The following CNTN5 variants were observed in gnomAD, a reference collection of about 807,000 sequenced individuals.
CNTN5 encodes contactin-5.
A neutral mutation model predicts 129.1 loss-of-function variants in CNTN5; 77 were observed. That is an observed-to-expected ratio of 0.60 (90% CI 0.50 to 0.72). CNTN5 has a LOEUF of 0.72. Ranked by LOEUF, CNTN5 falls within the 30% of genes least tolerant of loss-of-function variation. The pLI is 0.00. For missense variants in CNTN5, 1,478 were observed against 1,328.8 expected (o/e 1.11, Z -1.75); for synonymous variants, 509 against 465.6 (o/e 1.09, Z -1.20).
At chr11:99,292,797 C>T (rs950486736) in intron 1 of CNTN5, among the ~76,000 whole-genome samples, 4 of 152,106 alleles carry the variant, frequency 2.6e-5, no homozygotes, top group African/African-American at 9.7e-5. Context: ...GGAGATGAGG[C>T]CAAGCCTTGG....
intron 3 of CNTN5, among the ~76,000 whole-genome samples, chr11:99,809,406 T>C (rs926086152): frequency 1.1e-4 from 17 of 152,202 alleles, no homozygotes; most frequent in African/African-American, 4.1e-4. Flanking sequence ...ATTATACTTT[T>C]TAAAAATTTC....
At chr11:100,039,164 G>T (rs574625142) in intron 9 of CNTN5, among the ~76,000 whole-genome samples, 2 of 152,224 alleles carry the variant, frequency 1.3e-5, no homozygotes, top group African/African-American at 4.8e-5. Context: ...GGCAGGCCTG[G>T]TAGTGACAAA....
intron 8 of CNTN5, among the ~76,000 whole-genome samples, chr11:99,967,464 A>G (rs182745749): frequency 6.6e-6 from 1 of 152,156 alleles, no homozygotes; most frequent in Non-Finnish European, 1.5e-5. Flanking sequence ...GGATATTCCC[A>G]TAAAAACTGA....
chr11:99,312,496 G>T (rs1286377092), intron 1 of CNTN5, among the ~76,000 whole-genome samples: 1 of 152,090 alleles, frequency 6.6e-6, no homozygotes, highest in African/African-American at 2.4e-5. Context: ...TCTCCGAATG[G>T]TAGTTAATTG....
intron 13 of CNTN5, among the ~76,000 whole-genome samples, chr11:100,153,908 T>C (rs1174893910): frequency 1.3e-5 from 2 of 152,080 alleles, no homozygotes; most frequent in African/African-American, 4.8e-5. Flanking sequence ...GTTTCAAATC[T>C]GTTAGGTTTC....
intron 3 of CNTN5, among the ~76,000 whole-genome samples, chr11:99,689,070 C>T (rs1953920291): frequency 6.6e-6 from 1 of 152,226 alleles, no homozygotes; most frequent in Non-Finnish European, 1.5e-5. Context: ...TGAATACACA[C>T]ATGCATGCAT....
intron 1 of CNTN5, among the ~76,000 whole-genome samples, chr11:99,031,244 T>C (rs1014658545): frequency 6.6e-6 from 1 of 152,160 alleles, no homozygotes; most frequent in African/African-American, 2.4e-5. Context: ...ATTACTATGG[T>C]AGCTTTTTTG....
rs982718573 is a variant in CNTN5, at chr11:99,995,217, C to A, written c.878-6817C>A. Among the ~76,000 whole-genome samples the A allele has an allele frequency of 3.8e-4, 57 of 151,904 alleles. 2 individuals are homozygous for A. The highest frequency in any genetic ancestry group is 6.6e-4 in the Admixed American group (10 of 15,260). ...TTAGAAAAATGAAACCCAGAGTTTT[C>A]TGATCTGTCAGAGATGGTACAGACT... On this transcript the variant is annotated intron_variant, in intron 8 of 24. Transcript: ENST00000524871.
At chr11:100,290,237 A>C (rs1290060662) in intron 18 of CNTN5, among the ~76,000 whole-genome samples, 1 of 151,962 alleles carries the variant, frequency 6.6e-6, no homozygotes, top group Non-Finnish European at 1.5e-5. Context: ...GCCTTTCTTC[A>C]CAGAATTGGA....
chr11:100,059,389 C>T (rs2137795168), intron 9 of CNTN5, among the ~76,000 whole-genome samples: 1 of 152,042 alleles, frequency 6.6e-6, no homozygotes, highest in East Asian at 1.9e-4. Context: ...GTTTTCTTCT[C>T]GCCAAAAATG....
intron 3 of CNTN5, among the ~76,000 whole-genome samples, chr11:99,672,024 C>T: frequency 6.6e-6 from 1 of 152,166 alleles, no homozygotes; most frequent in East Asian, 1.9e-4. Context: ...ATCTCCTTTC[C>T]TGCTAATCAG....
chr11:100,070,179 A>AAG lies in CNTN5; in HGVS notation c.1163-244_1163-243insGA, dbSNP rs1485232717. On this transcript the variant is annotated intron_variant, in intron 10 of 24. Coordinates refer to ENST00000524871, the MANE Select transcript of CNTN5 (RefSeq NM_014361.4). Reference sequence around the variant, plus strand: ...CACTTAAAGTCCAAAAAAAAAAAAAAAAGAAGAAGAAGATTTTGCATAGTT... The same window carrying AAG: ...CACTTAAAGTCCAAAAAAAAAAAAAAAGAAGAAGAAGAAGATTTTGCATAGTT... Among the ~76,000 whole-genome samples, 11 of 151,808 alleles carry AAG rather than the reference A, an allele frequency of 7.2e-5. No individual in the cohort carries two copies. In the East Asian group the frequency reaches 1.4e-3, roughly 19 times the overall value.
At chr11:100,037,417 G>T (rs949083770) in intron 9 of CNTN5, among the ~76,000 whole-genome samples, 9 of 151,932 alleles carry the variant, frequency 5.9e-5, no homozygotes, top group Non-Finnish European at 1.3e-4. Context: ...AAGGATATTG[G>T]TCTAAAATTC....
chr11:99,679,230 TAGTA>T (rs1306969743), intron 3 of CNTN5, among the ~76,000 whole-genome samples: 24 of 149,042 alleles, frequency 1.6e-4, no homozygotes, highest in African/African-American at 5.9e-4. Flanking sequence ...TATATGTACA[TAGTA>T]AGAATATATG....
chr11:99,067,442 G>A (rs1241208691), intron 1 of CNTN5, among the ~76,000 whole-genome samples: 2 of 149,926 alleles, frequency 1.3e-5, no homozygotes, highest in Non-Finnish European at 3.0e-5. Flanking sequence ...AAAAAAAAAG[G>A]TGAAATCTTC....
chr11:99,467,868 G>C (rs529625729), intron 2 of CNTN5, among the ~76,000 whole-genome samples: 9 of 151,938 alleles, frequency 5.9e-5, no homozygotes, highest in African/African-American at 2.2e-4. Context: ...TTCTCAAGCT[G>C]TTTCCTTCTT....
intron 7 of CNTN5, among the ~76,000 whole-genome samples, chr11:99,918,322 TAAAC>T (rs984425841): frequency 4.6e-5 from 7 of 152,142 alleles, no homozygotes; most frequent in African/African-American, 1.2e-4. Flanking sequence ...ATATTACTGT[TAAAC>T]AATCCCAAAA....
intron 2 of CNTN5, among the ~76,000 whole-genome samples, chr11:99,373,352 G>A: frequency 6.6e-6 from 1 of 152,142 alleles, no homozygotes; most frequent in Non-Finnish European, 1.5e-5. Flanking sequence ...TGGCCCAAAG[G>A]GACATCTTGG....
intron 6 of CNTN5, among the ~76,000 whole-genome samples, chr11:99,891,405 C>T (rs1394650695): frequency 1.3e-5 from 2 of 151,994 alleles, no homozygotes; most frequent in East Asian, 1.9e-4. Flanking sequence ...TAGGTATACA[C>T]GTGCCATGGT....
Sources: gnomAD v4.1 joint callset for allele counts (sites outside exome capture counted in the v4.1 genomes callset) on GRCh38, gnomAD v4.1.1 for gene constraint, MANE v1.5 for transcripts, NCBI Gene and HGNC (gene_info 2026-07-23, HGNC 2026-07-21) for gene names.